The following FAM13A variants were observed in gnomAD, a reference collection of about 807,000 sequenced individuals.
FAM13A encodes protein FAM13A.
In FAM13A, 76 loss-of-function variants were observed where a neutral mutation model predicts 129.6. The ratio of observed to expected loss-of-function variants is 0.59; its 90% confidence interval spans 0.49 to 0.71. The LOEUF (loss-of-function observed/expected upper bound fraction) is 0.71. FAM13A is among the 30% of genes least tolerant of loss of function. The pLI is 0.00. For synonymous variants in FAM13A, 443 were observed against 449.9 expected, an observed-to-expected ratio of 0.98 and a Z score of 0.20; for missense variants, 1,108 against 1,249.3, an observed-to-expected ratio of 0.89 and a Z score of 1.70.
At chr4:88,972,625 G>T (rs1185837242) in intron 4 of FAM13A, among the ~76,000 whole-genome samples, 1 of 150,714 alleles carries the variant, frequency 6.6e-6, no homozygotes, top group Non-Finnish European at 1.5e-5. Flanking sequence ...TTTTGGGGGG[G>T]AGAACAGAGT....
At chr4:88,757,996 G>A (rs7689697) in intron 14 of FAM13A, among the ~76,000 whole-genome samples, 267 of 152,274 alleles carry the variant, frequency 1.8e-3, no homozygotes, top group Middle Eastern at 6.8e-3. Flanking sequence ...ACTGTATAGA[G>A]GTAGACTGGC....
intron 8 of FAM13A, among the ~76,000 whole-genome samples, chr4:88,798,464 A>G (rs1726708879): frequency 1.3e-5 from 2 of 152,154 alleles, no homozygotes; most frequent in Non-Finnish European, 2.9e-5. Context: ...TCGGCTCTAG[A>G]TGGTTCAGAA....
At chr4:89,056,862 A>G (rs1772249034) in intron 1 of FAM13A, 76 bp downstream of exon 1, 1 of 1,405,490 alleles carries the variant, frequency 7.1e-7, no homozygotes, top group Non-Finnish European at 9.9e-7. Context: ...CAAACATCTC[A>G]TCAAAACAAG....
intron 4 of FAM13A, among the ~76,000 whole-genome samples, chr4:88,958,301 C>G (rs545028278): frequency 6.6e-6 from 1 of 152,212 alleles, no homozygotes; most frequent in Non-Finnish European, 1.5e-5. Flanking sequence ...TACCCTGCAC[C>G]GCTTCAGGAC....
At chr4:88,758,331 C>T (rs549288405) in intron 14 of FAM13A, among the ~76,000 whole-genome samples, 6 of 151,866 alleles carry the variant, frequency 4.0e-5, no homozygotes, top group African/African-American at 1.4e-4. Flanking sequence ...CAAACCAAAA[C>T]GGGAAGGAGA....
At chr4:89,022,287 C>T (rs1412566136) in intron 2 of FAM13A, among the ~76,000 whole-genome samples, 1 of 151,696 alleles carries the variant, frequency 6.6e-6, no homozygotes, top group East Asian at 1.9e-4. Flanking sequence ...TAATAAGTGC[C>T]TGACATTATC....
intron 4 of FAM13A, among the ~76,000 whole-genome samples, chr4:88,939,171 T>C (rs539601350): frequency 6.6e-6 from 1 of 152,224 alleles, no homozygotes; most frequent in African/African-American, 2.4e-5. Context: ...ACAAAATCAG[T>C]ATCACTGGGG....
chr4:89,024,740 T>A (rs1767709132), intron 2 of FAM13A, among the ~76,000 whole-genome samples: 1 of 152,184 alleles, frequency 6.6e-6, no homozygotes, highest in Non-Finnish European at 1.5e-5. Context: ...ACTTACACAA[T>A]TTCTTTGGTT....
At position 88,731,394 on chromosome 4, in the gene FAM13A, C is replaced by G. The variant is rs773733799; in HGVS notation, c.2878G>C (p.Glu960Gln). 8 of 1,605,504 alleles carry G rather than the reference C, an allele frequency of 5.0e-6. No individual in the cohort carries two copies. The African/African-American group carries it at 1.1e-4, about 21-fold the overall frequency. ...ELLEHLQEMR[E>Q]EKKRIRKKLR... Reference sequence around the variant, plus strand: ...TTCTTTCGAATCCTTTTCTTTTCTTCTCTCATTTCCTGGAGGTGTTCCAGG... The same window carrying G: ...TTCTTTCGAATCCTTTTCTTTTCTTGTCTCATTTCCTGGAGGTGTTCCAGG... The change falls in exon 23 of 24, where the codon GAA (glutamate) becomes CAA (glutamine). Residue 960 changes from glutamate (E) to glutamine (Q), a missense_variant. Transcript: ENST00000264344.
At chr4:88,942,569 A>T (rs547841933) in intron 4 of FAM13A, among the ~76,000 whole-genome samples, 4 of 150,226 alleles carry the variant, frequency 2.7e-5, no homozygotes, top group Non-Finnish European at 5.9e-5. Context: ...TCCATCTCAA[A>T]AAATAAATAA....
intron 19 of FAM13A, among the ~76,000 whole-genome samples, chr4:88,742,528 T>A (rs908017292): frequency 2.6e-5 from 4 of 152,158 alleles, no homozygotes; most frequent in African/African-American, 9.7e-5. Flanking sequence ...AAGGTAAGAA[T>A]AACGACCTGA....
At chr4:88,863,287 A>AAC (rs1739821951) in intron 6 of FAM13A, among the ~76,000 whole-genome samples, 1 of 152,160 alleles carries the variant, frequency 6.6e-6, no homozygotes, top group African/African-American at 2.4e-5. Flanking sequence ...AACCTCCATA[A>AAC]AAAGCGTAAA....
intron 3 of FAM13A, among the ~76,000 whole-genome samples, chr4:89,004,835 C>T (rs1482404372): frequency 2.0e-5 from 3 of 152,006 alleles, no homozygotes; most frequent in Non-Finnish European, 1.5e-5. Flanking sequence ...GTTCCATCCC[C>T]CTAATGATTT....
intron 5 of FAM13A, among the ~76,000 whole-genome samples, chr4:88,916,830 A>AT (rs973221165): frequency 3.3e-4 from 49 of 150,074 alleles, no homozygotes; most frequent in Non-Finnish European, 4.0e-4. Flanking sequence ...TCATAGTTTA[A>AT]TTTTTTTTTT....
chr4:89,019,141 C>T (rs78903382), intron 3 of FAM13A, among the ~76,000 whole-genome samples: 7,351 of 152,192 alleles, frequency 0.048, 279 homozygotes, highest in South Asian at 0.22. Context: ...TCTGATACAA[C>T]CACACAACTT....
At chr4:88,876,338 A>T (rs1437140174) in intron 6 of FAM13A, among the ~76,000 whole-genome samples, 3 of 152,166 alleles carry the variant, frequency 2.0e-5, no homozygotes, top group African/African-American at 7.2e-5. Flanking sequence ...AAAAGCAAAA[A>T]GAAAAAAAAT....
intron 6 of FAM13A, among the ~76,000 whole-genome samples, chr4:88,890,381 C>T (rs1745122797): frequency 6.6e-6 from 1 of 152,190 alleles, no homozygotes; most frequent in Admixed American, 6.5e-5. Context: ...TGGATATGCA[C>T]TGGATTTCCC....
chr4:88,738,883 A>C, intron 20 of FAM13A, 147 bp downstream of exon 20: 1 of 609,318 alleles, frequency 1.6e-6, no homozygotes, highest in Non-Finnish European at 3.0e-6. Context: ...TTCATTCCTC[A>C]AGCTTGTGGG....
chr4:89,052,848 C>T (rs1771783151), intron 1 of FAM13A, among the ~76,000 whole-genome samples: 1 of 152,084 alleles, frequency 6.6e-6, no homozygotes, highest in Non-Finnish European at 1.5e-5. Flanking sequence ...TCCCTTCTCA[C>T]ATATGTACAA....
Sources: gnomAD v4.1 joint callset for allele counts (sites outside exome capture counted in the v4.1 genomes callset) on GRCh38, gnomAD v4.1.1 for gene constraint, MANE v1.5 for transcripts, NCBI Gene and HGNC (gene_info 2026-07-23, HGNC 2026-07-21) for gene names.